The following AGBL1 variants were observed in gnomAD, a reference collection of about 807,000 sequenced individuals.
AGBL1 encodes the protein AGBL carboxypeptidase 1.
A neutral mutation model predicts 118.9 loss-of-function variants in AGBL1; 130 were observed. That is an observed-to-expected ratio of 1.09 (90% CI 0.95 to 1.26). The LOEUF (loss-of-function observed/expected upper bound fraction) is 1.26, where lower values mean the gene tolerates loss of function less well. Ranked by LOEUF, AGBL1 falls within the 50% of genes most tolerant of loss-of-function variation. AGBL1 has a pLI of 0.00. For synonymous variants in AGBL1, 555 were observed against 478.9 expected (o/e 1.16, Z -2.08); for missense variants, 1,584 against 1,298.1 (o/e 1.22, Z -3.38).
intron 17 of AGBL1, among the ~76,000 whole-genome samples, chr15:86,306,306 A>T (rs1161774364): frequency 6.6e-6 from 1 of 151,974 alleles, no homozygotes. Context: ...TCCCCCTGTG[A>T]CCCTCTACTA....
chr15:87,024,477 T>C (rs2081704189), intron 24 of AGBL1, among the ~76,000 whole-genome samples: 11 of 151,936 alleles, frequency 7.2e-5, no homozygotes, highest in Admixed American at 7.2e-4. Flanking sequence ...AAGATTGAAA[T>C]GGTAACGTAA....
chr15:86,656,384 G>T (rs1307512001), intron 21 of AGBL1, among the ~76,000 whole-genome samples: 1 of 152,074 alleles, frequency 6.6e-6, no homozygotes, highest in Admixed American at 6.6e-5. Flanking sequence ...ATCACCCTGG[G>T]GCTTTAGGGG....
At chr15:86,902,026 T>G (rs1479189619) in intron 22 of AGBL1, among the ~76,000 whole-genome samples, 2 of 151,870 alleles carry the variant, frequency 1.3e-5, no homozygotes, top group Non-Finnish European at 2.9e-5. Flanking sequence ...TTTTTGGACA[T>G]TTTGATGTTT....
intron 22 of AGBL1, among the ~76,000 whole-genome samples, chr15:86,827,358 T>TACAC: frequency 1.0e-4 from 1 of 10,000 alleles, no homozygotes; most frequent in Non-Finnish European, 1.4e-4. Context: ...TATATATATA[T>TACAC]ATATGTGTGT....
intron 21 of AGBL1, among the ~76,000 whole-genome samples, chr15:86,592,049 C>T (rs1272465514): frequency 6.6e-6 from 1 of 152,158 alleles, no homozygotes; most frequent in Non-Finnish European, 1.5e-5. Flanking sequence ...TATAGACCCA[C>T]CTCAATGCAT....
At chr15:86,727,076 G>T (rs1213524162) in intron 22 of AGBL1, among the ~76,000 whole-genome samples, 4 of 152,182 alleles carry the variant, frequency 2.6e-5, no homozygotes, top group Admixed American at 2.0e-4. Context: ...TCAAGGAAAT[G>T]GAAAAGAAAG....
chr15:86,310,954 TTG>T (rs1175505239), intron 17 of AGBL1, among the ~76,000 whole-genome samples: 1 of 152,164 alleles, frequency 6.6e-6, no homozygotes, highest in African/African-American at 2.4e-5. Context: ...GTAAAGACCT[TTG>T]GACACTTAGC....
chr15:86,193,579 C>G (rs1567116906), intron 5 of AGBL1, among the ~76,000 whole-genome samples: 2 of 152,162 alleles, frequency 1.3e-5, no homozygotes, highest in African/African-American at 4.8e-5. Context: ...GACTTGTACA[C>G]AGGCACAGAG....
At chr15:86,917,990 A>C (rs1180307138), downstream of AGBL1, among the ~76,000 whole-genome samples, 1 of 152,130 alleles carries the variant, frequency 6.6e-6, no homozygotes, top group Non-Finnish European at 1.5e-5. This position sits in a 1 kb window ranked among gnomAD's most constrained non-coding sequence, Gnocchi z 4.8. Context: ...CTGGGTTCTC[A>C]TTATATTTTG....
At chr15:86,574,894 T>C (rs543862354) in intron 21 of AGBL1, among the ~76,000 whole-genome samples, 9 of 151,986 alleles carry the variant, frequency 5.9e-5, no homozygotes, top group Non-Finnish European at 1.2e-4. Flanking sequence ...TTTTTAATTA[T>C]AAAAGTGATT....
rs117647055 is a variant in AGBL1, at chr15:86,132,367, G to A, written c.52-9637G>A. Among the ~76,000 whole-genome samples the A allele has an allele frequency of 2.0e-5, 3 of 152,328 alleles. No homozygotes were observed. In the East Asian group the frequency reaches 5.8e-4, roughly 29 times the overall value. ...GGTGGATTCAGAGGGGATGAAGGTA[G>A]CAAGTGGCAGCTGCTGGTTGAAGGA... On this transcript the variant is annotated intron_variant, in intron 1 of 22. Transcript: ENST00000614907.
chr15:86,249,692 C>T (rs2078778912), intron 7 of AGBL1, among the ~76,000 whole-genome samples: 1 of 152,122 alleles, frequency 6.6e-6, no homozygotes, highest in Non-Finnish European at 1.5e-5. Context: ...AGTGCTTTAC[C>T]GTGTTCCTCT....
At chr15:86,894,805 AAAG>A (rs1387104414) in intron 22 of AGBL1, among the ~76,000 whole-genome samples, 1 of 152,204 alleles carries the variant, frequency 6.6e-6, no homozygotes, top group Non-Finnish European at 1.5e-5. Flanking sequence ...CAAACAAGTT[AAAG>A]AAGGGAGAGG....
downstream of AGBL1, among the ~76,000 whole-genome samples, chr15:86,917,198 G>T (rs112407358): frequency 0.021 from 3,199 of 152,216 alleles, 74 homozygotes; most frequent in Admixed American, 0.061. The surrounding 1 kb of genome is among the most constrained non-coding windows in gnomAD (Gnocchi z 4.8). Flanking sequence ...GCTCTCTCAG[G>T]CTCGTTTCCT....
chr15:86,104,043 C>G (rs890168601), intron 1 of AGBL1, among the ~76,000 whole-genome samples: 1 of 152,206 alleles, frequency 6.6e-6, no homozygotes, highest in South Asian at 2.1e-4. Context: ...ACAGGTGGTG[C>G]ATGCAGGTGG....
At chr15:86,997,067 T>C (rs912407670) in intron 24 of AGBL1, among the ~76,000 whole-genome samples, 4 of 152,132 alleles carry the variant, frequency 2.6e-5, no homozygotes, top group Non-Finnish European at 5.9e-5. Flanking sequence ...TAGCCTTTTT[T>C]TCTTTCCTGT....
intron 17 of AGBL1, among the ~76,000 whole-genome samples, chr15:86,356,789 T>A (rs1396438544): frequency 6.6e-6 from 1 of 152,196 alleles, no homozygotes; most frequent in Non-Finnish European, 1.5e-5. Context: ...GGCAATTTGC[T>A]CTGTAGCTCT....
intron 22 of AGBL1, among the ~76,000 whole-genome samples, chr15:86,889,371 T>G: frequency 6.8e-6 from 1 of 146,722 alleles, no homozygotes. Flanking sequence ...TGGGGGGTAT[T>G]TGTGTTTTAT....
chr15:86,385,598 T>C (rs1194917019), intron 17 of AGBL1, among the ~76,000 whole-genome samples: 1 of 152,256 alleles, frequency 6.6e-6, no homozygotes, highest in Non-Finnish European at 1.5e-5. Flanking sequence ...TGGGAGTTCT[T>C]TGAGGACAGA....
Sources: gnomAD v4.1 joint callset for allele counts (sites outside exome capture counted in the v4.1 genomes callset) on GRCh38, gnomAD v4.1.1 for gene constraint, Gnocchi (gnomAD v3.1) non-coding constraint, MANE v1.5 for transcripts, NCBI Gene and HGNC (gene_info 2026-07-23, HGNC 2026-07-21) for gene names.